The following DAB1 variants were observed in gnomAD, a reference collection of about 807,000 sequenced individuals.
The protein encoded by DAB1 is disabled homolog 1.
DAB1 carries 15 observed loss-of-function variants against 64.6 expected under a neutral mutation model. The observed-to-expected ratio is 0.23, with a 90% CI of 0.16 to 0.36. DAB1 has a LOEUF of 0.36. Among genes scored for constraint, DAB1 ranks in the 10% least tolerant of loss-of-function variants. DAB1 has a pLI of 1.00. For missense variants in DAB1, 596 were observed against 706.7 expected (o/e 0.84, Z 1.78); for synonymous variants, 235 against 251.9 (o/e 0.93, Z 0.64).
chr1:57,409,744 G>C (rs1009440277), intron 1 of DAB1, among the ~76,000 whole-genome samples: 10 of 152,188 alleles, frequency 6.6e-5, no homozygotes, highest in African/African-American at 2.4e-4. Context: ...AGGAGGTAGA[G>C]GTTGCAGTGA....
chr1:57,660,281 A>T (rs1362444255), intron 6 of DAB1, among the ~76,000 whole-genome samples: 2 of 152,246 alleles, frequency 1.3e-5, no homozygotes, highest in African/African-American at 4.8e-5. Context: ...AAGCTCACAG[A>T]GCAAATAAAT....
chr1:57,291,126 T>G lies in DAB1; in HGVS notation c.-96A>C. 1.4e-6 allele frequency: 1 copy of G among 727,778 alleles called. No individual in the cohort carries two copies. Among genetic ancestry groups the G allele is most frequent in the Non-Finnish European group, 2.3e-6 (1 of 432,438 alleles). 45.1% of individuals were successfully genotyped at this position (727,778 alleles called of 1,614,324 possible). A position where few individuals can be genotyped will look rare whatever the true frequency, so the allele number is the denominator to read the frequency against. ...AGAGAAAGACTCCTCCCTTCAGAAATGACACTCTGAGCTGCACATTTCATT... is the reference window on the plus strand; with the variant it reads ...AGAGAAAGACTCCTCCCTTCAGAAAGGACACTCTGAGCTGCACATTTCATT... On this transcript the variant is annotated 5_prime_UTR_variant, in exon 2 of 15. Coordinates refer to ENST00000371236, the MANE Select transcript of DAB1 (RefSeq NM_001365792.1).
chr1:57,890,333 C>T (rs1644292596), intron 5 of DAB1, among the ~76,000 whole-genome samples: 1 of 152,180 alleles, frequency 6.6e-6, no homozygotes, highest in South Asian at 2.1e-4. Context: ...AGAGTCACTT[C>T]TGCCACTGGG....
intron 5 of DAB1, among the ~76,000 whole-genome samples, chr1:57,982,459 G>A (rs17116628): frequency 0.019 from 2,918 of 152,200 alleles, 50 homozygotes; most frequent in East Asian, 0.039. Context: ...TTCCTTCTTA[G>A]GTATCTGACG....
chr1:57,676,136 G>A (rs3131753), intron 6 of DAB1, among the ~76,000 whole-genome samples: 5,239 of 152,270 alleles, frequency 0.034, 300 homozygotes, highest in African/African-American at 0.12. Context: ...GCAACATAGG[G>A]CAGGGAGGCT....
chr1:57,537,923 C>T (rs546194209), intron 7 of DAB1, among the ~76,000 whole-genome samples: 5 of 152,196 alleles, frequency 3.3e-5, no homozygotes, highest in Middle Eastern at 6.8e-3. Flanking sequence ...GCAGAGATCA[C>T]GTGGTGGGAG....
At chr1:58,523,682 G>C (rs572268383) in intron 2 of DAB1, among the ~76,000 whole-genome samples, 1 of 152,108 alleles carries the variant, frequency 6.6e-6, no homozygotes, top group Admixed American at 6.6e-5. Flanking sequence ...GGCGGATCAC[G>C]AGGTCAGGAG....
At chr1:57,288,316 G>T (rs1051545875) in intron 2 of DAB1, among the ~76,000 whole-genome samples, 8 of 152,162 alleles carry the variant, frequency 5.3e-5, no homozygotes, top group Admixed American at 5.2e-4. Flanking sequence ...AGAGGATGGG[G>T]GATGGGGGAG....
intron 5 of DAB1, among the ~76,000 whole-genome samples, chr1:57,903,103 T>C (rs527328362): frequency 2.0e-5 from 3 of 152,002 alleles, no homozygotes; most frequent in Non-Finnish European, 2.9e-5. Flanking sequence ...TTCACTATCA[T>C]GAGAACAGCA....
intron 3 of DAB1, among the ~76,000 whole-genome samples, chr1:58,475,163 G>C (rs962176989): frequency 7.2e-5 from 11 of 152,216 alleles, no homozygotes; most frequent in African/African-American, 2.6e-4. Flanking sequence ...ATTATTAGTA[G>C]TAGTAGTATT....
chr1:58,138,034 A>T (rs1272169425), intron 5 of DAB1, among the ~76,000 whole-genome samples: 4 of 152,212 alleles, frequency 2.6e-5, no homozygotes, highest in Non-Finnish European at 5.9e-5. Flanking sequence ...CATAAACATA[A>T]TATTATGATA....
intron 5 of DAB1, among the ~76,000 whole-genome samples, chr1:58,018,741 C>A (rs923147253): frequency 6.6e-6 from 1 of 152,214 alleles, no homozygotes; most frequent in Admixed American, 6.5e-5. Context: ...GTTTCCTAAT[C>A]CACACTGACA....
rs75455643 is a variant in DAB1, at chr1:58,259,363, T to A, written n.309+83989A>T. ...CCTGTACTTCTGCCTTCCTTCCCTA[T>A]GCTCAGGCCTGTTGGTATCTTACCC... On this transcript the variant is annotated intron_variant and non_coding_transcript_variant, in intron 4 of 20. Coordinates refer to the DAB1 transcript ENST00000485760. 1.9e-3 allele frequency among the ~76,000 whole-genome samples: 292 copies of A among 152,238 alleles called. 7 individuals are homozygous for A. In the East Asian group the frequency reaches 0.042, roughly 22 times the overall value.
chr1:57,808,196 T>C (rs900944341), intron 6 of DAB1, among the ~76,000 whole-genome samples: 115 of 84,392 alleles, frequency 1.4e-3, no homozygotes, highest in African/African-American at 7.1e-3. Flanking sequence ...CACATGCACA[T>C]GCACACACAC....
At chr1:57,778,006 G>T (rs565287707) in intron 6 of DAB1, among the ~76,000 whole-genome samples, 138 of 152,036 alleles carry the variant, frequency 9.1e-4, no homozygotes, top group Non-Finnish European at 1.6e-3. Flanking sequence ...TTACTCTTGG[G>T]CTTGTTTAAC....
chr1:58,250,058 C>A (rs868257420), intron 4 of DAB1, among the ~76,000 whole-genome samples: 3 of 152,184 alleles, frequency 2.0e-5, no homozygotes, highest in Non-Finnish European at 4.4e-5. Context: ...GGCTCCCTCG[C>A]GGCCGCGAGA....
At chr1:58,457,050 C>T (rs928758545) in intron 3 of DAB1, among the ~76,000 whole-genome samples, 1 of 152,184 alleles carries the variant, frequency 6.6e-6, no homozygotes, top group African/African-American at 2.4e-5. Flanking sequence ...TCCATCCTTT[C>T]TGCCAGTATG....
chr1:58,404,830 A>G (rs189276289), intron 3 of DAB1, among the ~76,000 whole-genome samples: 69 of 152,296 alleles, frequency 4.5e-4, no homozygotes, highest in Non-Finnish European at 7.5e-4. Flanking sequence ...GGAAACAGTC[A>G]TGTCCAGGGA....
chr1:57,552,952 G>C (rs1382718624), intron 7 of DAB1, among the ~76,000 whole-genome samples: 2 of 152,094 alleles, frequency 1.3e-5, no homozygotes, highest in African/African-American at 4.8e-5. Flanking sequence ...ATATTAAGGG[G>C]CCGATTGTAT....
Sources: gnomAD v4.1 joint callset for allele counts (sites outside exome capture counted in the v4.1 genomes callset) on GRCh38, gnomAD v4.1.1 for gene constraint, MANE v1.5 for transcripts, NCBI Gene and HGNC (gene_info 2026-07-23, HGNC 2026-07-21) for gene names.